The following SGMS1 variants were observed in gnomAD, a reference collection of about 807,000 sequenced individuals.
The protein encoded by SGMS1 is phosphatidylcholine:ceramide cholinephosphotransferase 1.
SGMS1 carries 13 observed loss-of-function variants against 46.2 expected under a neutral mutation model. The observed-to-expected ratio is 0.28, with a 90% CI of 0.18 to 0.45. SGMS1 has a LOEUF of 0.45. Among genes scored for constraint, SGMS1 ranks in the 20% least tolerant of loss-of-function variants. The probability of loss-of-function intolerance (pLI) is 1.00; values close to 1 mark genes in which losing one functional copy is unlikely to be tolerated. For missense variants in SGMS1, 324 were observed against 519.9 expected, an observed-to-expected ratio of 0.62 and a Z score of 3.66; for synonymous variants, 203 against 187.8, an observed-to-expected ratio of 1.08 and a Z score of -0.66.
intron 6 of SGMS1, among the ~76,000 whole-genome samples, chr10:50,383,814 C>T (rs1848643344): frequency 6.6e-6 from 1 of 152,060 alleles, no homozygotes; most frequent in Non-Finnish European, 1.5e-5. Context: ...AAAATAAAGA[C>T]TATGTAATAG....
At position 50,484,062 on chromosome 10, in the gene SGMS1, T is replaced by C. The variant is rs185332073; in HGVS notation, c.-497-17130A>G. 1.1e-4 allele frequency among the ~76,000 whole-genome samples: 16 copies of C among 151,318 alleles called. No individual in the cohort carries two copies. In the East Asian group the frequency reaches 2.9e-3, roughly 28 times the overall value. On this transcript the variant is annotated intron_variant, in intron 3 of 10. Coordinates refer to ENST00000361781, the MANE Select transcript of SGMS1 (RefSeq NM_147156.4). Reference sequence around the variant, plus strand: ...AAGATCAGAGCAGAACTGAAGGAGATAGAGATGCAAAAAAACCCTTCAAAA... The same window carrying C: ...AAGATCAGAGCAGAACTGAAGGAGACAGAGATGCAAAAAAACCCTTCAAAA...
chr10:50,417,483 C>T (rs1033373504), intron 6 of SGMS1, among the ~76,000 whole-genome samples: 1 of 151,994 alleles, frequency 6.6e-6, no homozygotes, highest in Non-Finnish European at 1.5e-5. Flanking sequence ...TATTTATTGA[C>T]AAATTCCACA....
At chr10:50,483,816 G>A (rs970656490) in intron 3 of SGMS1, among the ~76,000 whole-genome samples, 1 of 152,126 alleles carries the variant, frequency 6.6e-6, no homozygotes, top group Admixed American at 6.5e-5. Context: ...TGAAATCAAG[G>A]AAGAAACCAA....
At chr10:50,352,653 G>A (rs1848041788) in intron 6 of SGMS1, among the ~76,000 whole-genome samples, 4 of 152,108 alleles carry the variant, frequency 2.6e-5, no homozygotes. Context: ...TCACCTTGGG[G>A]CTAGACCAAG....
intron 6 of SGMS1, among the ~76,000 whole-genome samples, chr10:50,425,582 T>C (rs1849314627): frequency 6.6e-6 from 1 of 151,640 alleles, no homozygotes. Flanking sequence ...ACAACAGACA[T>C]TGAGGATTAC....
chr10:50,530,641 C>T (rs896126403), intron 2 of SGMS1, among the ~76,000 whole-genome samples: 9 of 152,196 alleles, frequency 5.9e-5, no homozygotes, highest in South Asian at 2.1e-4. Context: ...TGTGCCACCA[C>T]ATCTGGCTAA....
intron 9 of SGMS1, among the ~76,000 whole-genome samples, chr10:50,308,372 A>G (rs1847206708): frequency 6.6e-6 from 1 of 152,176 alleles, no homozygotes; most frequent in East Asian, 1.9e-4. Flanking sequence ...TTTGGTTCTT[A>G]CTTGATTCAT....
chr10:50,463,515 A>G (rs1448456003), intron 4 of SGMS1, among the ~76,000 whole-genome samples: 3 of 152,204 alleles, frequency 2.0e-5, no homozygotes, highest in African/African-American at 7.2e-5. Context: ...ACAAAAATAG[A>G]AAATAGCAAG....
chr10:50,355,674 C>G (rs956985232), intron 6 of SGMS1, among the ~76,000 whole-genome samples: 1 of 152,244 alleles, frequency 6.6e-6, no homozygotes, highest in Non-Finnish European at 1.5e-5. Flanking sequence ...GCAGAGATTG[C>G]AGCCTCTGCA....
chr10:50,416,665 AC>A (rs1241956587), intron 6 of SGMS1, among the ~76,000 whole-genome samples: 1 of 152,284 alleles, frequency 6.6e-6, no homozygotes, highest in African/African-American at 2.4e-5. Flanking sequence ...GTTACCTTTT[AC>A]ACAGAGCCAT....
At chr10:50,407,440 GGAGA>G (rs1330601908) in intron 6 of SGMS1, among the ~76,000 whole-genome samples, 1 of 151,932 alleles carries the variant, frequency 6.6e-6, no homozygotes, top group Non-Finnish European at 1.5e-5. Context: ...CCCGAGAAAG[GGAGA>G]AGCCACCAGG....
intron 2 of SGMS1, among the ~76,000 whole-genome samples, chr10:50,584,049 AC>A (rs1838459673): frequency 6.6e-6 from 1 of 152,238 alleles, no homozygotes; most frequent in African/African-American, 2.4e-5. Context: ...TTGTAAGAAA[AC>A]AACTATGATA....
intron 7 of SGMS1, chr10:50,341,309 G>T: frequency 2.2e-6 from 1 of 455,842 alleles, no homozygotes; most frequent in South Asian, 1.5e-5. Flanking sequence ...CCTGTCTGGT[G>T]GGCCAGATAC....
intron 2 of SGMS1, among the ~76,000 whole-genome samples, chr10:50,557,758 C>T (rs1318695615): frequency 2.0e-5 from 3 of 151,344 alleles, no homozygotes; most frequent in African/African-American, 7.3e-5. Context: ...AAACCTTAAT[C>T]TTTTATAACA....
chr10:50,337,547 T>C (rs1564879495), intron 7 of SGMS1, among the ~76,000 whole-genome samples: 1 of 152,202 alleles, frequency 6.6e-6, no homozygotes, highest in Non-Finnish European at 1.5e-5. Context: ...TGACAGTGTC[T>C]GTGGGTCATA....
intron 6 of SGMS1, among the ~76,000 whole-genome samples, chr10:50,368,481 C>T (rs1024037950): frequency 7.2e-5 from 11 of 152,308 alleles, no homozygotes; most frequent in Admixed American, 2.6e-4. Context: ...CTCAGCCTCC[C>T]GAGTAGCTGG....
At chr10:50,385,157 A>T (rs1461249634) in intron 6 of SGMS1, among the ~76,000 whole-genome samples, 1 of 152,154 alleles carries the variant, frequency 6.6e-6, no homozygotes, top group African/African-American at 2.4e-5. Context: ...AATGCCCCAG[A>T]AGTAATGTTG....
intron 6 of SGMS1, among the ~76,000 whole-genome samples, chr10:50,377,925 T>C (rs529211196): frequency 2.0e-5 from 3 of 152,314 alleles, no homozygotes; most frequent in African/African-American, 7.2e-5. Flanking sequence ...CCCTGTCTTA[T>C]AAGGATACAT....
chr10:50,421,165 G>A (rs901895516), intron 6 of SGMS1, among the ~76,000 whole-genome samples: 3 of 152,098 alleles, frequency 2.0e-5, no homozygotes, highest in Non-Finnish European at 2.9e-5. Context: ...AAAAGTGACG[G>A]TGAAACTACG....
Sources: allele counts gnomAD v4.1 joint callset (sites outside exome capture counted in the v4.1 genomes callset), GRCh38; gene constraint gnomAD v4.1.1; transcripts MANE v1.5; gene names NCBI Gene and HGNC (gene_info 2026-07-23, HGNC 2026-07-21).